CYP7B1: variants seen among roughly 807,000 people sequenced by gnomAD.
The protein encoded by CYP7B1 is cytochrome P450 family 7 subfamily B member 1.
In CYP7B1, 29 loss-of-function variants were observed where a neutral mutation model predicts 42.7. The observed-to-expected ratio is 0.68, with a 90% CI of 0.51 to 0.93. The LOEUF is 0.93. Ranked by LOEUF, CYP7B1 falls within the 40% of genes least tolerant of loss-of-function variation. The pLI is 0.00. For synonymous variants in CYP7B1, 235 were observed against 218.2 expected (o/e 1.08, Z -0.68); for missense variants, 655 against 600.5 (o/e 1.09, Z -0.95).
chr8:64,681,986 G>A (rs185684793), intron 1 of CYP7B1, among the ~76,000 whole-genome samples: 55 of 152,316 alleles, frequency 3.6e-4, no homozygotes, highest in African/African-American at 1.3e-3. Flanking sequence ...AAGCATAACT[G>A]AGCAAGTTGT....
intron 1 of CYP7B1, among the ~76,000 whole-genome samples, chr8:64,731,779 G>GACATGGTGTCCTTT (rs1807413603): frequency 6.6e-6 from 1 of 152,200 alleles, no homozygotes; most frequent in Non-Finnish European, 1.5e-5. Flanking sequence ...TGGTGTCCTT[G>GACATGGTGTCCTTT]TGACATGGTG....
intron 1 of CYP7B1, among the ~76,000 whole-genome samples, chr8:64,756,867 G>A (rs1030769122): frequency 6.6e-6 from 1 of 152,202 alleles, no homozygotes; most frequent in African/African-American, 2.4e-5. Context: ...GAAAATAACA[G>A]TGCATTTTCT....
chr8:64,698,336 G>A (rs1295635903), intron 1 of CYP7B1, among the ~76,000 whole-genome samples: 1 of 151,988 alleles, frequency 6.6e-6, no homozygotes, highest in Non-Finnish European at 1.5e-5. Context: ...AGCAGCAGGG[G>A]GGGGAAAAAA....
intron 1 of CYP7B1, among the ~76,000 whole-genome samples, chr8:64,683,774 T>C (rs527697649): frequency 1.2e-4 from 18 of 152,286 alleles, no homozygotes; most frequent in Non-Finnish European, 1.8e-4. Context: ...ATTCTCCAGA[T>C]TGATGTTCTA....
intron 1 of CYP7B1, among the ~76,000 whole-genome samples, chr8:64,718,063 A>C (rs1371822479): frequency 1.3e-5 from 2 of 152,014 alleles, no homozygotes; most frequent in Admixed American, 1.3e-4. Context: ...ATGGTTGTAT[A>C]AGAGCATTAA....
At chr8:64,678,182 T>G (rs544376125) in intron 1 of CYP7B1, among the ~76,000 whole-genome samples, 1 of 152,254 alleles carries the variant, frequency 6.6e-6, no homozygotes, top group East Asian at 1.9e-4. Flanking sequence ...CTACCACACA[T>G]GTAGCCTATA....
intron 1 of CYP7B1, among the ~76,000 whole-genome samples, chr8:64,624,919 C>T (rs934782400): frequency 6.7e-6 from 1 of 149,000 alleles, no homozygotes; most frequent in African/African-American, 2.5e-5. Context: ...CCTGGGTACC[C>T]CCACTGAGTC....
At chr8:64,783,076 A>T (rs1305158757) in intron 1 of CYP7B1, among the ~76,000 whole-genome samples, 1 of 152,306 alleles carries the variant, frequency 6.6e-6, no homozygotes, top group Middle Eastern at 3.4e-3. Flanking sequence ...TTTGAAAAAC[A>T]CAAAAATCCA....
chr8:64,626,842 C>T (rs998201180), intron 1 of CYP7B1, among the ~76,000 whole-genome samples: 10 of 152,226 alleles, frequency 6.6e-5, no homozygotes, highest in African/African-American at 2.4e-4. Context: ...TGCAGTGCAA[C>T]TCATTTTGAT....
At chr8:64,613,484 A>G (rs1324691997) in intron 4 of CYP7B1, among the ~76,000 whole-genome samples, 4 of 152,154 alleles carry the variant, frequency 2.6e-5, no homozygotes, top group Non-Finnish European at 4.4e-5. Flanking sequence ...CTTACTTCCC[A>G]GTATGCGTCA....
At chr8:64,678,724 G>C (rs34943727) in intron 1 of CYP7B1, among the ~76,000 whole-genome samples, 3 of 152,142 alleles carry the variant, frequency 2.0e-5, no homozygotes, top group African/African-American at 7.2e-5. Context: ...CTTTGAGGTA[G>C]AGAATATCCA....
At chr8:64,623,295 G>A (rs568975777) in intron 2 of CYP7B1, among the ~76,000 whole-genome samples, 1 of 152,272 alleles carries the variant, frequency 6.6e-6, no homozygotes, top group Admixed American at 6.5e-5. Flanking sequence ...TGCAATATCT[G>A]AGCCTAGGCC....
At chr8:64,634,848 T>C (rs1805747452) in intron 1 of CYP7B1, among the ~76,000 whole-genome samples, 1 of 152,146 alleles carries the variant, frequency 6.6e-6, no homozygotes, top group Admixed American at 6.5e-5. Context: ...GCTCTAACTG[T>C]ACAAAGTATG....
intron 1 of CYP7B1, among the ~76,000 whole-genome samples, chr8:64,782,710 A>C (rs1416160343): frequency 6.6e-6 from 1 of 152,184 alleles, no homozygotes; most frequent in Non-Finnish European, 1.5e-5. Flanking sequence ...AATAACCAGG[A>C]TTTACCATTA....
intron 1 of CYP7B1, among the ~76,000 whole-genome samples, chr8:64,685,517 G>A (rs1585854366): frequency 3.0e-5 from 1 of 33,728 alleles, no homozygotes; most frequent in East Asian, 5.3e-4. Flanking sequence ...CTGCCCCGCC[G>A]CCCCATCTGG....
chr8:64,732,941 T>C (rs972213010), intron 1 of CYP7B1: 4 of 152,352 alleles, frequency 2.6e-5, no homozygotes, highest in African/African-American at 9.6e-5. Context: ...CCAGTTGTGC[T>C]AAACTGTGAG....
In CYP7B1 at chr8:64,685,762, C is replaced by T. The variant is rs1426184005; in HGVS notation, c.123-61223G>A. ...GTCTCCGCCCGGCAGCCACCCCATC[C>T]GGGAGGGAGGTGGGGGGGGGTCAGC... On this transcript the variant is annotated intron_variant, in intron 1 of 5. Coordinates refer to ENST00000310193, the MANE Select transcript of CYP7B1 (RefSeq NM_004820.5). 3.4e-5 allele frequency among the ~76,000 whole-genome samples: 2 copies of T among 58,278 alleles called. 1 individual carries two copies. Among genetic ancestry groups the T allele is most frequent in the Non-Finnish European group, 8.8e-5 (2 of 22,666 alleles). 38.2% of individuals were successfully genotyped at this position (58,278 alleles called of 152,430 possible).
At chr8:64,716,654 C>A (rs1410029711) in intron 1 of CYP7B1, among the ~76,000 whole-genome samples, 1 of 152,080 alleles carries the variant, frequency 6.6e-6, no homozygotes, top group Non-Finnish European at 1.5e-5. Flanking sequence ...TTGCAGTGAG[C>A]CAAGATCACG....
chr8:64,736,943 T>A (rs1014274128), intron 1 of CYP7B1, among the ~76,000 whole-genome samples: 1 of 152,232 alleles, frequency 6.6e-6, no homozygotes, highest in Non-Finnish European at 1.5e-5. Context: ...CAGAGGCATG[T>A]CTATCTTTTC....
Sources: gnomAD v4.1 joint callset for allele counts (sites outside exome capture counted in the v4.1 genomes callset) on GRCh38, gnomAD v4.1.1 for gene constraint, MANE v1.5 for transcripts, NCBI Gene and HGNC (gene_info 2026-07-23, HGNC 2026-07-21) for gene names.